NXN: variants seen among roughly 807,000 people sequenced by gnomAD.
NXN encodes nucleoredoxin 1.
NXN carries 16 observed loss-of-function variants against 48.6 expected under a neutral mutation model. That is an observed-to-expected ratio of 0.33 (90% CI 0.22 to 0.50). The LOEUF (loss-of-function observed/expected upper bound fraction) is 0.50. Among genes scored for constraint, NXN ranks in the 20% least tolerant of loss-of-function variants. The probability of loss-of-function intolerance (pLI) is 0.98; values close to 1 mark genes in which losing one functional copy is unlikely to be tolerated. For missense variants in NXN, 492 were observed against 605.5 expected (o/e 0.81, Z 1.97); for synonymous variants, 281 against 269.6 (o/e 1.04, Z -0.41).
intron 4 of NXN, among the ~76,000 whole-genome samples, chr17:821,742 C>T (rs1468233066): frequency 6.8e-6 from 1 of 147,448 alleles, no homozygotes; most frequent in Non-Finnish European, 1.5e-5. Context: ...CAGAGCGAGA[C>T]TCCGTCTCAA....
intron 1 of NXN, among the ~76,000 whole-genome samples, chr17:889,459 G>C (rs899621489): frequency 2.6e-5 from 4 of 152,202 alleles, no homozygotes; most frequent in African/African-American, 9.7e-5. Flanking sequence ...CACTTTGGGA[G>C]GCCAAAACAG....
At chr17:841,269 G>A (rs868253265) in intron 1 of NXN, among the ~76,000 whole-genome samples, 1 of 152,206 alleles carries the variant, frequency 6.6e-6, no homozygotes, top group African/African-American at 2.4e-5. Flanking sequence ...CCCCGCATGC[G>A]GCCCTCACGC....
rs72810274 is a variant in NXN, at chr17:803,912, G to A, written c.1001-106C>T. The A allele has an allele frequency of 0.095, 140,914 of 1,477,060 alleles. 7,195 individuals carry two copies. The highest frequency in any genetic ancestry group is 0.17 in the East Asian group (7,443 of 44,002). 91.5% of individuals were successfully genotyped at this position (1,477,060 alleles called of 1,614,324 possible). A position where few individuals can be genotyped will look rare whatever the true frequency, so the allele number is the denominator to read the frequency against. On this transcript the variant is annotated intron_variant, in intron 6 of 7. Transcript: ENST00000336868. ...CTGAGCTGCAGAAACGCCCGCCTGA[G>A]CGGCCCCTGAACGGAAATGAACTTC...
chr17:970,199 T>C (rs896200984), intron 1 of NXN, among the ~76,000 whole-genome samples: 3 of 152,180 alleles, frequency 2.0e-5, no homozygotes, highest in African/African-American at 7.2e-5. Flanking sequence ...GTAACGGCAC[T>C]GGGCTTCTGC....
chr17:965,730 A>T (rs931703666), intron 1 of NXN, among the ~76,000 whole-genome samples: 28 of 152,298 alleles, frequency 1.8e-4, no homozygotes, highest in African/African-American at 5.8e-4. Context: ...CAGGGACCAC[A>T]TAACACAGAG....
intron 1 of NXN, among the ~76,000 whole-genome samples, chr17:852,791 A>G (rs945294236): frequency 3.9e-5 from 6 of 152,132 alleles, no homozygotes; most frequent in African/African-American, 1.2e-4. Context: ...TCCCTCCAGC[A>G]CAAATCGCAA....
chr17:809,896 T>A (rs78593144), intron 5 of NXN, among the ~76,000 whole-genome samples: 1 of 119,364 alleles, frequency 8.4e-6, no homozygotes, highest in Non-Finnish European at 1.9e-5. Flanking sequence ...ACGTTAAGAG[T>A]CCCTGTGAGT....
chr17:845,778 G>C (rs1194645248), intron 1 of NXN, among the ~76,000 whole-genome samples: 1 of 152,244 alleles, frequency 6.6e-6, no homozygotes, highest in Non-Finnish European at 1.5e-5. Flanking sequence ...AAGAAACCAG[G>C]CAAATACGCC....
chr17:819,089 G>A, intron 5 of NXN: 1 of 330,402 alleles, frequency 3.0e-6, no homozygotes, highest in South Asian at 2.3e-5. Context: ...TGGTACTACA[G>A]GCACCCGCCA....
At chr17:823,902 T>A in intron 2 of NXN, 137 bp from the exon 3 acceptor site, 1 of 750,668 alleles carries the variant, frequency 1.3e-6, no homozygotes, top group Non-Finnish European at 2.2e-6. Flanking sequence ...CGTGACAAGA[T>A]AATCATCAAA....
At chr17:876,633 G>C (rs116282733) in intron 1 of NXN, among the ~76,000 whole-genome samples, 1 of 152,202 alleles carries the variant, frequency 6.6e-6, no homozygotes, top group African/African-American at 2.4e-5. Flanking sequence ...AGCGCTGTTA[G>C]TGTCGTTCGC....
At chr17:967,707 A>G (rs551328776) in intron 1 of NXN, among the ~76,000 whole-genome samples, 71 of 152,266 alleles carry the variant, frequency 4.7e-4, no homozygotes, top group African/African-American at 1.6e-3. Context: ...ATTCAAACAA[A>G]CCAACTGTCA....
chr17:805,361 G>T, intron 5 of NXN, 114 bp from the exon 6 acceptor site: 1 of 1,130,040 alleles, frequency 8.8e-7, no homozygotes, highest in Non-Finnish European at 1.2e-6. Context: ...GCCCACCGAG[G>T]ACCTGGTACA....
chr17:859,596 A>C (rs1048190688), intron 1 of NXN, among the ~76,000 whole-genome samples: 80 of 152,200 alleles, frequency 5.3e-4, no homozygotes, highest in African/African-American at 1.8e-3. Context: ...AATACAAAAC[A>C]ACAGCTGCAC....
chr17:945,587 T>C (rs905185634), intron 1 of NXN, among the ~76,000 whole-genome samples: 17 of 141,704 alleles, frequency 1.2e-4, no homozygotes, highest in Non-Finnish European at 2.1e-4. Context: ...GCCGAGATCG[T>C]GCCACTGCAC....
chr17:945,488 G>A (rs951726469), intron 1 of NXN, among the ~76,000 whole-genome samples: 6 of 151,386 alleles, frequency 4.0e-5, no homozygotes, highest in Non-Finnish European at 5.9e-5. Flanking sequence ...AAAATTAGCC[G>A]GGCGTGGTGG....
intron 5 of NXN, among the ~76,000 whole-genome samples, chr17:818,548 G>A (rs996453758): frequency 6.6e-6 from 1 of 152,116 alleles, no homozygotes; most frequent in African/African-American, 2.4e-5. Context: ...TAAGATTCTG[G>A]CCAAGTCATT....
chr17:979,539 G>C lies in NXN; in HGVS notation c.140C>G (p.Ala47Gly). 3.0e-6 allele frequency: 4 copies of C among 1,336,866 alleles called. No individual in the cohort carries two copies. Among genetic ancestry groups the C allele is most frequent in the Non-Finnish European group, 3.9e-6 (4 of 1,037,228 alleles). 82.8% of individuals were successfully genotyped at this position (1,336,866 alleles called of 1,614,324 possible). ...GGCGGCCAGGCTGGCGCTGAGCTGC[G>C]CGCAGGGGGCGCTGAGGCTGCAGCC... Reference protein sequence around the residue: ...YFGCSLSAPCAQLSASLAAFY... With the variant: ...YFGCSLSAPCGQLSASLAAFY... The change falls in exon 1 of 8, where the codon GCG becomes GGG. Residue 47 changes from alanine (A) to glycine (G), a missense_variant. Physicochemically the swap from Ala to Gly is moderately conservative, Grantham distance 60. Transcript: ENST00000336868.
intron 1 of NXN, among the ~76,000 whole-genome samples, chr17:916,556 A>G (rs1429259268): frequency 1.3e-5 from 2 of 152,210 alleles, no homozygotes; most frequent in Non-Finnish European, 2.9e-5. Flanking sequence ...TGCAGTAGCT[A>G]CTGTAAATAT....
Sources: allele counts gnomAD v4.1 joint callset (sites outside exome capture counted in the v4.1 genomes callset), GRCh38; gene constraint gnomAD v4.1.1; transcripts MANE v1.5; gene names NCBI Gene and HGNC (gene_info 2026-07-23, HGNC 2026-07-21).